Variants in CYREN observed in about 807,000 individuals in gnomAD.
CYREN encodes cell cycle regulator of NHEJ.
A neutral mutation model predicts 9.7 loss-of-function variants in CYREN; 7 were observed. The observed-to-expected ratio is 0.72, with a 90% CI of 0.41 to 1.36. CYREN has a LOEUF of 1.36. Among genes scored for constraint, CYREN ranks in the 40% most tolerant of loss-of-function variants. The pLI is 0.01. For missense variants in CYREN, 215 were observed against 198.1 expected (o/e 1.09, Z -0.51); for synonymous variants, 76 against 77.9 (o/e 0.98, Z 0.13).
At chr7:135,144,192 T>A (rs1291184509) in intron 2 of CYREN, among the ~76,000 whole-genome samples, 1 of 152,122 alleles carries the variant, frequency 6.6e-6, no homozygotes, top group East Asian at 1.9e-4. Context: ...TACTTCATAG[T>A]GTGGAGTTTC....
Position 135,142,799 on chromosome 7 carries a change from A to G in CYREN, n.356+25950T>C, listed in dbSNP as rs368304987. Reference sequence around the variant, plus strand: ...ATATGAGGAAAACTATAAAACTCTGATGAAAAAAAAACTACTAAAGAATAA... The same window carrying G: ...ATATGAGGAAAACTATAAAACTCTGGTGAAAAAAAAACTACTAAAGAATAA... On this transcript the variant is annotated intron_variant and non_coding_transcript_variant, in intron 2 of 2. Transcript: ENST00000459937. 4.0e-5 allele frequency among the ~76,000 whole-genome samples: 6 copies of G among 151,254 alleles called. No individual in the cohort carries two copies. The East Asian group carries it at 1.2e-3, about 29-fold the overall frequency.
At chr7:135,161,504 A>G (rs1169770652), downstream of CYREN, among the ~76,000 whole-genome samples, 1 of 152,178 alleles carries the variant, frequency 6.6e-6, no homozygotes, top group African/African-American at 2.4e-5. The surrounding 1 kb of genome is among the most constrained non-coding windows in gnomAD (Gnocchi z 4.1). Flanking sequence ...CTGGAAATCT[A>G]TTCCACACCC....
chr7:135,165,244 T>C (rs1830063995), downstream of CYREN: 3 of 449,038 alleles, frequency 6.7e-6, no homozygotes, highest in Non-Finnish European at 1.2e-5. Flanking sequence ...CCCTAAACCA[T>C]GCAGCTCATT....
At chr7:135,141,152 G>A (rs1368835315) in intron 2 of CYREN, among the ~76,000 whole-genome samples, 1 of 151,912 alleles carries the variant, frequency 6.6e-6, no homozygotes, top group Non-Finnish European at 1.5e-5. Context: ...TTCTTTGTAT[G>A]TCTGGTAGAA....
At chr7:135,130,459 A>G (rs1316230947) in intron 2 of CYREN, among the ~76,000 whole-genome samples, 1 of 152,122 alleles carries the variant, frequency 6.6e-6, no homozygotes, top group Non-Finnish European at 1.5e-5. Context: ...TAGATTCAAA[A>G]TGACTTGTCT....
chr7:135,142,009 A>T (rs1829462383), intron 2 of CYREN, among the ~76,000 whole-genome samples: 5 of 152,110 alleles, frequency 3.3e-5, no homozygotes, highest in Admixed American at 3.3e-4. Flanking sequence ...AAATGAGAAG[A>T]ATGTATATTC....
At chr7:135,141,623 A>G (rs1829454260) in intron 2 of CYREN, among the ~76,000 whole-genome samples, 1 of 151,450 alleles carries the variant, frequency 6.6e-6, no homozygotes, top group African/African-American at 2.4e-5. Flanking sequence ...CTGTTTTTCT[A>G]GTTCTTCTAG....
rs570834147 is a variant in CYREN, at chr7:135,119,469, G to T, written n.357-24887C>A. Among the ~76,000 whole-genome samples, 16 of 151,636 alleles carry T rather than the reference G, an allele frequency of 1.1e-4. No homozygotes were observed. In the East Asian group the frequency reaches 3.1e-3, roughly 30 times the overall value. The stretch of plus-strand genomic sequence containing the variant: ...TGGTCTCGAACTCCTGACCTCAAGT[G>T]ATCTGACTCCCTCAGCTCCCAAAGT... On this transcript the variant is annotated intron_variant and non_coding_transcript_variant, in intron 2 of 2. Transcript: ENST00000459937.
intron 2 of CYREN, among the ~76,000 whole-genome samples, chr7:135,153,768 T>C (rs1829720789): frequency 6.6e-6 from 1 of 152,252 alleles, no homozygotes; most frequent in African/African-American, 2.4e-5. Context: ...GATTTTTGCA[T>C]CTACGTTCAC....
downstream of CYREN, among the ~76,000 whole-genome samples, chr7:135,163,705 G>GA (rs1438273004): frequency 4.6e-5 from 7 of 152,142 alleles, no homozygotes; most frequent in Non-Finnish European, 8.8e-5. Context: ...CCATTGTCAG[G>GA]AAAAAATATG....
At chr7:135,096,588 G>GATAGATAC (rs1554516655) in intron 2 of CYREN, among the ~76,000 whole-genome samples, 11 of 120,216 alleles carry the variant, frequency 9.2e-5, no homozygotes, top group African/African-American at 3.6e-4. Flanking sequence ...TAGATACATA[G>GATAGATAC]ATAGATAGAT....
At chr7:135,121,343 T>A (rs975614874) in intron 2 of CYREN, among the ~76,000 whole-genome samples, 1 of 152,166 alleles carries the variant, frequency 6.6e-6, no homozygotes, top group Non-Finnish European at 1.5e-5. Flanking sequence ...TCAACAAGAA[T>A]ATAAATATCT....
chr7:135,157,612 GC>G (rs1348818013), intron 2 of CYREN, among the ~76,000 whole-genome samples: 1 of 152,222 alleles, frequency 6.6e-6, no homozygotes, highest in East Asian at 1.9e-4. Context: ...ATGATCTCTA[GC>G]CCCTGAGCAG....
chr7:135,133,925 T>C (rs923595984), intron 2 of CYREN, among the ~76,000 whole-genome samples: 1 of 151,462 alleles, frequency 6.6e-6, no homozygotes, highest in Non-Finnish European at 1.5e-5. Flanking sequence ...CAAAACAACA[T>C]AGATGAATCT....
At position 135,165,801 on chromosome 7, in the gene CYREN, G is replaced by A. The variant is rs1190726613; in HGVS notation, c.*810C>T. 1 of 166,768 alleles carries A rather than the reference G, an allele frequency of 6.0e-6. No individual in the cohort carries two copies. Among genetic ancestry groups the A allele is most frequent in the East Asian group, 1.9e-4 (1 of 5,208 alleles). 10.3% of individuals were successfully genotyped at this position (166,768 alleles called of 1,614,324 possible). On this transcript the variant is annotated 3_prime_UTR_variant, in exon 4 of 4. Coordinates refer to ENST00000393114, the MANE Select transcript of CYREN (RefSeq NM_024033.4). Reference sequence around the variant, plus strand: ...CAACTTACGCATTGGGGAATTGTGTGTATTTTCTAGCACTTGTGTATTGGA... The same window carrying A: ...CAACTTACGCATTGGGGAATTGTGTATATTTTCTAGCACTTGTGTATTGGA...
At chr7:135,139,621 T>C (rs1388139816) in intron 2 of CYREN, among the ~76,000 whole-genome samples, 1 of 151,936 alleles carries the variant, frequency 6.6e-6, no homozygotes, top group African/African-American at 2.4e-5. Flanking sequence ...ATTGCTTTTG[T>C]AGTCTTTAAC....
At chr7:135,153,445 C>T (rs1829710515) in intron 2 of CYREN, among the ~76,000 whole-genome samples, 1 of 129,346 alleles carries the variant, frequency 7.7e-6, no homozygotes, top group Non-Finnish European at 1.6e-5. Context: ...CACAGCAAGA[C>T]TCCATCTCCA....
chr7:135,092,352 T>C (rs1363020376), downstream of CYREN: 2 of 152,252 alleles, frequency 1.3e-5, no homozygotes, highest in African/African-American at 4.8e-5. Context: ...CATAAAATTT[T>C]GTTGTCAACA....
intron 2 of CYREN, chr7:135,148,105 A>G (rs188516400): frequency 1.0e-4 from 46 of 456,194 alleles, no homozygotes; most frequent in African/African-American, 7.6e-4. Context: ...CTGCGAAGGC[A>G]AGGGGGCACC....
Sources: gnomAD v4.1 joint callset for allele counts (sites outside exome capture counted in the v4.1 genomes callset) on GRCh38, gnomAD v4.1.1 for gene constraint, Gnocchi (gnomAD v3.1) non-coding constraint, MANE v1.5 for transcripts, NCBI Gene and HGNC (gene_info 2026-07-23, HGNC 2026-07-21) for gene names.